CTC1: variants seen among roughly 807,000 people sequenced by gnomAD.
CTC1 encodes CST complex subunit CTC1.
Under a neutral mutation model 136.3 loss-of-function variants are expected in CTC1, and 91 were observed. The ratio of observed to expected loss-of-function variants is 0.67; its 90% confidence interval spans 0.56 to 0.79. CTC1 has a LOEUF of 0.79. CTC1 is among the 30% of genes least tolerant of loss of function. The probability of loss-of-function intolerance (pLI) is 0.00; values close to 1 mark genes in which losing one functional copy is unlikely to be tolerated. For missense variants in CTC1, 1,432 were observed against 1,498.1 expected (o/e 0.96, Z 0.73); for synonymous variants, 606 against 613.8 (o/e 0.99, Z 0.19).
intron 10 of CTC1, 145 bp downstream of exon 10, chr17:8,234,310 T>C: frequency 1.3e-6 from 1 of 795,418 alleles, no homozygotes; most frequent in Non-Finnish European, 2.1e-6. Flanking sequence ...GAGAATGAAT[T>C]GGAGGGCCAA....
At position 8,225,164 on chromosome 17, in the gene CTC1, G is replaced by A. The variant is rs1196989991; in HGVS notation, c.*3016C>T. 6.6e-6 allele frequency: 1 copy of A among 152,264 alleles called. No individual in the cohort carries two copies. Among genetic ancestry groups the A allele is most frequent in the African/African-American group, 2.4e-5 (1 of 41,444 alleles). 9.4% of individuals were successfully genotyped at this position (152,264 alleles called of 1,614,324 possible). ...TGAGCCACCGCGCCCGGCCATACAT[G>A]GCAAGTTTCTACATGGTGTTTCAGA... On this transcript the variant is annotated 3_prime_UTR_variant, in exon 23 of 23. Coordinates refer to ENST00000651323, the MANE Select transcript of CTC1 (RefSeq NM_025099.6).
Position 8,225,449 on chromosome 17 carries a change from C to T in CTC1, c.*2731G>A, listed in dbSNP as rs1264887446. 1.3e-5 allele frequency: 2 copies of T among 152,232 alleles called. No homozygotes were observed. The highest frequency in any genetic ancestry group is 2.9e-5 in the Non-Finnish European group (2 of 68,062). The allele number at this position is 152,232 out of a possible 1,614,324, so 9.4% of individuals were successfully genotyped here. A position where few individuals can be genotyped will look rare whatever the true frequency, so the allele number is the denominator to read the frequency against. ...GTGTCGAGAGCTTTCTGCCTATCTTCCAAGGAGGTTTAGGTCCTGCCAAGA... is the reference window on the plus strand; with the variant it reads ...GTGTCGAGAGCTTTCTGCCTATCTTTCAAGGAGGTTTAGGTCCTGCCAAGA... On this transcript the variant is annotated 3_prime_UTR_variant, in exon 23 of 23. Transcript: ENST00000651323.
In CTC1 at chr17:8,228,620, T is replaced by C. The variant is rs926281886; in HGVS notation, c.3397A>G (p.Arg1133Gly). ...AACATGGTCATGGGCTCGTCAACCC[T>C]GGCTGAAGACTAGAAAGAGAAGGTC... is the stretch of plus-strand genomic sequence containing the variant. ...GPGAQLESSA[R>G]VDEPMTMFLW... Residue 1133 changes from arginine to glycine, a missense_variant, in exon 22 of 23, where the codon AGG becomes GGG. Arg to Gly is a moderately radical substitution (Grantham distance 125). Transcript: ENST00000651323. 1.2e-6 allele frequency: 2 copies of C among 1,614,188 alleles called. No homozygotes were observed. Among genetic ancestry groups the C allele is most frequent in the Admixed American group, 1.7e-5 (1 of 60,018 alleles).
chr17:8,238,764 T>G (rs777230715), intron 2 of CTC1, 135 bp from the exon 3 acceptor site: 152 of 637,546 alleles, frequency 2.4e-4, no homozygotes, highest in Non-Finnish European at 2.6e-4. Context: ...TTTGATTGAT[T>G]AAAGGGGTAA....
chr17:8,235,554 A>G (rs1597384662), intron 7 of CTC1, among the ~76,000 whole-genome samples: 1 of 151,862 alleles, frequency 6.6e-6, no homozygotes, highest in East Asian at 1.9e-4. Context: ...GCCTGAGATC[A>G]CCCCAGCCCC....
rs1488438733 is a variant in CTC1 at position 8,227,130 on chromosome 17, C to G, written c.*1050G>C. 1 of 152,130 alleles carries G rather than the reference C, an allele frequency of 6.6e-6. No homozygotes were observed. The highest frequency in any genetic ancestry group is 6.5e-5 in the Admixed American group (1 of 15,268). The allele number at this position is 152,130 out of a possible 1,614,324, so 9.4% of individuals were successfully genotyped here. On this transcript the variant is annotated 3_prime_UTR_variant, in exon 23 of 23. Transcript: ENST00000651323. ...TTGCTACCATAAAAGCAGCATAAAT[C>G]CCAACATATGGGTTTAACCACGCTC...
chr17:8,243,464 A>G (rs1273158733), intron 1 of CTC1, among the ~76,000 whole-genome samples: 1 of 151,638 alleles, frequency 6.6e-6, no homozygotes, highest in Non-Finnish European at 1.5e-5. Flanking sequence ...GGTTGTGGTG[A>G]GCCAAGATCG....
In CTC1 at chr17:8,227,681, C is replaced by T. The variant is rs1403976026; in HGVS notation, c.*499G>A. 6.5e-6 allele frequency: 1 copy of T among 153,958 alleles called. No homozygotes were observed. Among genetic ancestry groups the T allele is most frequent in the African/African-American group, 2.4e-5 (1 of 41,442 alleles). 9.5% of individuals were successfully genotyped at this position (153,958 alleles called of 1,614,324 possible). On this transcript the variant is annotated 3_prime_UTR_variant, in exon 23 of 23. Transcript: ENST00000651323. ...ACCATTTCTTCTGCTGGACGAAAAG[C>T]TCTTCTCTTCCAAATCACTTTCCAC... is the stretch of plus-strand genomic sequence containing the variant.
At chr17:8,242,070 G>T (rs1448137203) in intron 2 of CTC1, among the ~76,000 whole-genome samples, 2 of 151,426 alleles carry the variant, frequency 1.3e-5, no homozygotes, top group Admixed American at 1.3e-4. Context: ...CGCTCTTGTT[G>T]CCCAGCTAGA....
At chr17:8,245,213 G>A (rs896749565) in intron 1 of CTC1, among the ~76,000 whole-genome samples, 5 of 152,098 alleles carry the variant, frequency 3.3e-5, no homozygotes, top group South Asian at 4.1e-4. Context: ...CAGGGGTGAC[G>A]AAATAATCTC....
Position 8,236,297 on chromosome 17 carries a change from C to T in CTC1, c.838G>A (p.Ala280Thr). 1 of 1,612,540 alleles carries T rather than the reference C, an allele frequency of 6.2e-7. No individual in the cohort carries two copies. The highest frequency in any genetic ancestry group is 8.5e-7 in the Non-Finnish European group (1 of 1,180,022). Residue 280 changes from alanine to threonine, a missense_variant, in exon 6 of 23, where the codon GCC (alanine) becomes ACC (threonine). Coordinates refer to ENST00000651323, the MANE Select transcript of CTC1 (RefSeq NM_025099.6). The part of the protein sequence containing the change: ...VWHRALRPGT[A>T]YVLTELRVSK... ...ACTCGCAGTTCTGTCAGCACATAGG[C>T]TGTACCAGGCCGAAGGGCTCTGTGC...
At chr17:8,229,066 C>T in intron 20 of CTC1, 76 bp downstream of exon 20, 1 of 1,521,302 alleles carries the variant, frequency 6.6e-7, no homozygotes, top group South Asian at 1.2e-5. Flanking sequence ...AGGAATTATG[C>T]TAATGTAGAA....
rs760760831 is a variant in CTC1 at position 8,235,942 on chromosome 17, C to A, written c.1095G>T (p.Val365=). Residue 365 remains valine, a synonymous_variant, in exon 7 of 23, where the codon GTG becomes GTT. Transcript: ENST00000651323. ...LLSYSGAVTG[V]LNEPAGLYEL... ...CATAGAGGCCAGCGGGCTCATTCAA[C>A]ACGCCAGTGACTGCTCCCTGCAAAC... is the stretch of plus-strand genomic sequence containing the variant. 1.2e-6 allele frequency: 2 copies of A among 1,609,992 alleles called. No homozygotes were observed. The highest frequency in any genetic ancestry group is 2.7e-5 in the African/African-American group (2 of 74,878).
chr17:8,234,375 G>C, intron 10 of CTC1, 80 bp downstream of exon 10: 1 of 1,345,156 alleles, frequency 7.4e-7, no homozygotes, highest in Middle Eastern at 1.8e-4. Flanking sequence ...GACGAAGAAA[G>C]ATAGTAACCG....
At position 8,242,917 on chromosome 17, in the gene CTC1, C is replaced by T. The variant is rs1988390586; in HGVS notation, c.197+68G>A. The T allele has an allele frequency of 1.1e-5, 16 of 1,437,484 alleles. No individual in the cohort carries two copies. In the Admixed American group the frequency reaches 1.8e-4, roughly 16 times the overall value. The allele number at this position is 1,437,484 out of a possible 1,614,324, so 89.0% of individuals were successfully genotyped here. A position where few individuals can be genotyped will look rare whatever the true frequency, so the allele number is the denominator to read the frequency against. On this transcript the variant is annotated intron_variant, in intron 2 of 22. Transcript: ENST00000651323. ...ACTTGCCCTTTTTCTAATTATAGAA[C>T]CTTACTTTTCAATCCTGAATTCAAT...
chr17:8,239,089 C>CAAAAAAA (rs778191636), intron 2 of CTC1, among the ~76,000 whole-genome samples: 1 of 48,762 alleles, frequency 2.1e-5, no homozygotes, highest in Non-Finnish European at 4.6e-5. Flanking sequence ...GAGACTGTCT[C>CAAAAAAA]AAAAAAAAAA....
At position 8,231,259 on chromosome 17, in the gene CTC1, G is replaced by T. The variant is rs773124787; in HGVS notation, c.2669+17C>A. ...GAGAGTGGCCAAATTAACCAGAGGG[G>T]CTTGGTGGACATTTACTTGTCACTG... On this transcript the variant is annotated intron_variant, in intron 15 of 22. Coordinates refer to ENST00000651323, the MANE Select transcript of CTC1 (RefSeq NM_025099.6). The T allele has an allele frequency of 7.3e-6, 11 of 1,506,520 alleles. No homozygotes were observed. In the South Asian group the frequency reaches 1.5e-4, roughly 20 times the overall value. The allele number at this position is 1,506,520 out of a possible 1,614,324, so 93.3% of individuals were successfully genotyped here. A position where few individuals can be genotyped will look rare whatever the true frequency, so the allele number is the denominator to read the frequency against.
At chr17:8,243,519 CAAA>C (rs796589471) in intron 1 of CTC1, among the ~76,000 whole-genome samples, 4 of 89,100 alleles carry the variant, frequency 4.5e-5, no homozygotes, top group Non-Finnish European at 2.4e-5. Context: ...AACTCCGTCT[CAAA>C]AAAAAAAAAA....
At chr17:8,247,968 G>GA (rs1241261788) in intron 1 of CTC1, 36 bp downstream of exon 1, 3 of 1,599,090 alleles carry the variant, frequency 1.9e-6, no homozygotes, top group African/African-American at 2.7e-5. Flanking sequence ...TGACAAACAA[G>GA]AAAAAAGGAA....
Sources: gnomAD v4.1 joint callset for allele counts (sites outside exome capture counted in the v4.1 genomes callset) on GRCh38, gnomAD v4.1.1 for gene constraint, MANE v1.5 for transcripts, NCBI Gene and HGNC (gene_info 2026-07-23, HGNC 2026-07-21) for gene names.